Variants in OXNAD1 observed in about 807,000 individuals in gnomAD.
OXNAD1 encodes oxidoreductase NAD-binding domain-containing protein 1.
A neutral mutation model predicts 32.9 loss-of-function variants in OXNAD1; 34 were observed. That is an observed-to-expected ratio of 1.03 (90% CI 0.79 to 1.38). The LOEUF (loss-of-function observed/expected upper bound fraction) is 1.38. OXNAD1 is among the 40% of genes most tolerant of loss of function. The pLI, the probability that OXNAD1 is intolerant of heterozygous loss-of-function variation, is 0.00. For missense variants in OXNAD1, 407 were observed against 379.4 expected (o/e 1.07, Z -0.60); for synonymous variants, 134 against 135.2 (o/e 0.99, Z 0.06).
intron 5 of OXNAD1, among the ~76,000 whole-genome samples, chr3:16,292,790 A>G (rs1284994754): frequency 6.6e-6 from 1 of 152,198 alleles, no homozygotes; most frequent in Non-Finnish European, 1.5e-5. Flanking sequence ...TTCTTTTGCC[A>G]TTAAATTGCT....
rs187331543 is a variant in OXNAD1, at chr3:16,335,213, A to G, written c.*31-1899A>G. On this transcript the variant is annotated intron_variant, in intron 9 of 9. Coordinates refer to the OXNAD1 transcript ENST00000435829. This position sits in a 1 kb window ranked among gnomAD's most constrained non-coding sequence, Gnocchi z 4.7. Reference sequence around the variant, plus strand: ...GCCAGGAAAAGGCTGGGATGGGGATAAACACTTGGAGGTGCTGACAGATGC... The same window carrying G: ...GCCAGGAAAAGGCTGGGATGGGGATGAACACTTGGAGGTGCTGACAGATGC... 2.8e-3 allele frequency among the ~76,000 whole-genome samples: 420 copies of G among 152,350 alleles called. No individual in the cohort carries two copies. Among genetic ancestry groups the G allele is most frequent in the Non-Finnish European group, 3.7e-3 (253 of 68,030 alleles).
intron 5 of OXNAD1, 75 bp from the exon 6 acceptor site, chr3:16,294,781 G>A (rs1027905696): frequency 2.0e-5 from 29 of 1,420,542 alleles, no homozygotes; most frequent in Admixed American, 1.7e-4. Flanking sequence ...TCTTGCAAAG[G>A]TTTGTCAATT....
chr3:16,294,242 G>A (rs2066615280), intron 5 of OXNAD1, among the ~76,000 whole-genome samples: 2 of 148,218 alleles, frequency 1.3e-5, no homozygotes, highest in African/African-American at 5.0e-5. Flanking sequence ...CGCTCTTGTT[G>A]CCCAGGCTGG....
chr3:16,301,429 G>A lies in OXNAD1; in HGVS notation c.433-197G>A, dbSNP rs979105940. Among the ~76,000 whole-genome samples, 8 of 152,310 alleles carry A rather than the reference G, an allele frequency of 5.3e-5. No individual in the cohort carries two copies. In the South Asian group the frequency reaches 6.2e-4, roughly 12 times the overall value. Reference sequence around the variant, plus strand: ...GGAATGGCTGTTCATTATGGATTACGAAGGTGGATTAGCCTGTGGCCTATA... The same window carrying A: ...GGAATGGCTGTTCATTATGGATTACAAAGGTGGATTAGCCTGTGGCCTATA... On this transcript the variant is annotated intron_variant, in intron 6 of 8. Transcript: ENST00000285083. The surrounding 1 kb of genome is among the most constrained non-coding windows in gnomAD (Gnocchi z 4.1).
At chr3:16,273,703 A>G (rs990370299) in intron 4 of OXNAD1, among the ~76,000 whole-genome samples, 1 of 152,118 alleles carries the variant, frequency 6.6e-6, no homozygotes, top group Non-Finnish European at 1.5e-5. Context: ...TTTTCTTTTT[A>G]ACAGATGAAA....
downstream of OXNAD1, among the ~76,000 whole-genome samples, chr3:16,307,274 A>G (rs1022765662): frequency 6.6e-6 from 1 of 152,198 alleles, no homozygotes; most frequent in African/African-American, 2.4e-5. Context: ...AGCTTGTTTT[A>G]GGTCGCCCCT....
chr3:16,309,456 CAGTT>C (rs534477433), downstream of OXNAD1, among the ~76,000 whole-genome samples: 81 of 150,688 alleles, frequency 5.4e-4, no homozygotes, highest in African/African-American at 1.8e-3. Flanking sequence ...TTCCCCTAAT[CAGTT>C]AGATGAAAGG....
At position 16,271,024 on chromosome 3, in the gene OXNAD1, G is replaced by A. The variant is rs185153615; in HGVS notation, c.72G>A (p.Ala24=). The change falls in exon 3 of 9, where the codon GCG becomes GCA. Residue 24 remains alanine, a synonymous_variant. Transcript: ENST00000285083. This position sits in a 1 kb window ranked among gnomAD's most constrained non-coding sequence, Gnocchi z 4.6. ...CSVGAIRIEA[A]SLRLTLSTLR... is the part of the protein sequence containing the mutation. Reference sequence around the variant, plus strand: ...TTGGAGCCATCCGTATTGAGGCTGCGTCACTGAGATTGACACTCAGCACTT... The same window carrying A: ...TTGGAGCCATCCGTATTGAGGCTGCATCACTGAGATTGACACTCAGCACTT... The A allele has an allele frequency of 3.9e-5, 63 of 1,614,148 alleles. No homozygotes were observed. Among genetic ancestry groups the A allele is most frequent in the South Asian group, 5.5e-5 (5 of 91,080 alleles).
chr3:16,294,233 G>A lies in OXNAD1; in HGVS notation c.291-623G>A, dbSNP rs1347895890. Among the ~76,000 whole-genome samples the A allele has an allele frequency of 6.7e-5, 10 of 148,470 alleles. No individual in the cohort carries two copies. In the East Asian group the frequency reaches 1.2e-3, roughly 17 times the overall value. ...TTTTTTTTTCTTGACATGAAGTTTC[G>A]CTCTTGTTGCCCAGGCTGGAGTGCA... On this transcript the variant is annotated intron_variant, in intron 5 of 8. Coordinates refer to ENST00000285083, the MANE Select transcript of OXNAD1 (RefSeq NM_138381.5).
intron 5 of OXNAD1, 40 bp from the exon 6 acceptor site, chr3:16,294,816 A>G: frequency 6.4e-7 from 1 of 1,567,722 alleles, no homozygotes; most frequent in Non-Finnish European, 8.6e-7. Context: ...AATTTTTAAA[A>G]TTGCTTCAAC....
At chr3:16,293,740 T>C (rs1182933377) in intron 5 of OXNAD1, among the ~76,000 whole-genome samples, 3 of 152,216 alleles carry the variant, frequency 2.0e-5, no homozygotes, top group Admixed American at 2.0e-4. Flanking sequence ...TTGTTTCTCT[T>C]AGGGGGGAAA....
At position 16,303,508 on chromosome 3, in the gene OXNAD1, A is replaced by C; in HGVS notation, c.885A>C (p.Gln295His). 1 of 1,614,076 alleles carries C rather than the reference A, an allele frequency of 6.2e-7. No individual in the cohort carries two copies. The highest frequency in any genetic ancestry group is 1.3e-5 in the African/African-American group (1 of 75,022). The change falls in exon 9 of 9, where the codon CAA becomes CAC. Residue 295 changes from glutamine to histidine, a missense_variant. Gln to His is a conservative substitution (Grantham distance 24). Coordinates refer to ENST00000285083, the MANE Select transcript of OXNAD1 (RefSeq NM_138381.5). The surrounding 1 kb of genome is among the most constrained non-coding windows in gnomAD (Gnocchi z 4.8). Reference protein sequence around the residue: ...PPPMTDFFSKQLENNHVPKEH... With the variant: ...PPPMTDFFSKHLENNHVPKEH... ...CAATGACAGACTTTTTCTCCAAGCA[A>C]CTGGAAAACAACCATGTACCCAAAG... is the stretch of plus-strand genomic sequence containing the variant.
chr3:16,318,920 G>C (rs2068731510), intron 9 of OXNAD1, among the ~76,000 whole-genome samples: 1 of 152,184 alleles, frequency 6.6e-6, no homozygotes. Context: ...TGGTGTCTCA[G>C]ACCCACCTCC....
At chr3:16,339,742 C>G (rs1286412537), downstream of OXNAD1, 29 of 152,160 alleles carry the variant, frequency 1.9e-4, no homozygotes, top group Admixed American at 1.9e-3. Flanking sequence ...GTTTTTCTGC[C>G]CCTGCACTAG....
downstream of OXNAD1, among the ~76,000 whole-genome samples, chr3:16,307,243 A>G (rs1222224017): frequency 6.6e-6 from 1 of 152,224 alleles, no homozygotes; most frequent in Non-Finnish European, 1.5e-5. Flanking sequence ...TTCATCCATT[A>G]CAGTCAATTT....
rs1433055235 is a variant in OXNAD1 at position 16,294,967 on chromosome 3, C to T, written c.402C>T (p.Asn134=). 1 of 1,613,110 alleles carries T rather than the reference C, an allele frequency of 6.2e-7. No homozygotes were observed. The change falls in exon 6 of 9, where the codon AAC becomes AAT. Residue 134 remains asparagine, a synonymous_variant. Transcript: ENST00000285083. Reference sequence around the variant, plus strand: ...TAGAATTGGCAGTGAAATATACGAACCACCCTCCTGCCCTCTGGGTTCACA... The same window carrying T: ...TAGAATTGGCAGTGAAATATACGAATCACCCTCCTGCCCTCTGGGTTCACA... The part of the protein sequence containing the change: ...RVIELAVKYT[N]HPPALWVHNT...
chr3:16,301,728 G>C lies in OXNAD1; in HGVS notation c.535G>C (p.Val179Leu). Residue 179 changes from valine to leucine, a missense_variant, in exon 7 of 9, where the codon GTC becomes CTC. Val to Leu is a conservative substitution (Grantham distance 32). Coordinates refer to ENST00000285083, the MANE Select transcript of OXNAD1 (RefSeq NM_138381.5). The surrounding 1 kb of genome is among the most constrained non-coding windows in gnomAD (Gnocchi z 4.1). ...AAACCTCGTGTTGATTGCAGGAGGA[G>C]TCGGAATTAACCCTCTGCTTTCCAT... ...SRNLVLIAGGVGINPLLSILR... is the reference protein window; with the variant it reads ...SRNLVLIAGGLGINPLLSILR... 6.2e-7 allele frequency: 1 copy of C among 1,614,066 alleles called. No homozygotes were observed. Among genetic ancestry groups the C allele is most frequent in the Non-Finnish European group, 8.5e-7 (1 of 1,179,992 alleles).
rs1202356716 is a variant in OXNAD1 at position 16,305,811 on chromosome 3, C to G, written c.*2249C>G. Reference sequence around the variant, plus strand: ...GATGATACTGCTGCCTACCTACCTACATGATAGGGCTGTTACGGGGATTGA... The same window carrying G: ...GATGATACTGCTGCCTACCTACCTAGATGATAGGGCTGTTACGGGGATTGA... On this transcript the variant is annotated 3_prime_UTR_variant, in exon 9 of 9. Coordinates refer to ENST00000285083, the MANE Select transcript of OXNAD1 (RefSeq NM_138381.5). This position sits in a 1 kb window ranked among gnomAD's most constrained non-coding sequence, Gnocchi z 4.5. 6.6e-6 allele frequency: 1 copy of G among 152,232 alleles called. No homozygotes were observed. The highest frequency in any genetic ancestry group is 1.5e-5 in the Non-Finnish European group (1 of 68,038). The allele number at this position is 152,232 out of a possible 1,614,324, so 9.4% of individuals were successfully genotyped here.
chr3:16,295,959 A>G (rs1460857918), intron 6 of OXNAD1, among the ~76,000 whole-genome samples: 2 of 152,234 alleles, frequency 1.3e-5, no homozygotes, highest in Non-Finnish European at 2.9e-5. Flanking sequence ...CCACATGGAA[A>G]TAAGTAGAGG....
Sources: allele counts gnomAD v4.1 joint callset (sites outside exome capture counted in the v4.1 genomes callset), GRCh38; gene constraint gnomAD v4.1.1; non-coding constraint Gnocchi (gnomAD v3.1); transcripts MANE v1.5; gene names NCBI Gene and HGNC (gene_info 2026-07-23, HGNC 2026-07-21).